Variants in PPP2R3B observed in about 807,000 individuals in gnomAD.
The protein encoded by PPP2R3B is serine/threonine-protein phosphatase 2A regulatory subunit B'' subunit beta.
PPP2R3B carries 68 observed loss-of-function variants against 72.9 expected under a neutral mutation model. The observed-to-expected ratio is 0.93, with a 90% confidence interval of 0.77 to 1.14. PPP2R3B has a LOEUF of 1.14. Among genes scored for constraint, PPP2R3B ranks in the 50% most tolerant of loss-of-function variants. The probability of loss-of-function intolerance (pLI) is 0.00; values close to 1 mark genes in which losing one functional copy is unlikely to be tolerated. For synonymous variants in PPP2R3B, 466 were observed against 375.8 expected (o/e 1.24, Z -2.78); for missense variants, 1,018 against 842.0 (o/e 1.21, Z -2.59).
At chrX:334,827 G>GTGTT in intron 12 of PPP2R3B, 1 of 338,514 alleles carries the variant, frequency 3.0e-6, no homozygotes, top group Admixed American at 4.9e-5. Context: ...CACGGGACCT[G>GTGTT]TGTTTACAAC....
chrX:333,966 G>T lies in PPP2R3B; in HGVS notation c.*401C>A, dbSNP rs190678548. On this transcript the variant is annotated 3_prime_UTR_variant, in exon 13 of 13. Transcript: ENST00000390665. ...ACGTACAAGCGTGATCGCCAGAAACGGTTTTGTACGTTTACACAAAACATT... is the reference window on the plus strand; with the variant it reads ...ACGTACAAGCGTGATCGCCAGAAACTGTTTTGTACGTTTACACAAAACATT... 1 of 173,812 alleles carries T rather than the reference G, an allele frequency of 5.8e-6. No individual in the cohort carries two copies. The highest frequency in any genetic ancestry group is 6.3e-5 in the Admixed American group (1 of 15,856). The allele number at this position is 173,812 out of a possible 1,614,324, so 10.8% of individuals were successfully genotyped here. A position where few individuals can be genotyped will look rare whatever the true frequency, so the allele number is the denominator to read the frequency against.
chrX:341,989 A>C, intron 7 of PPP2R3B, 58 bp from the exon 8 acceptor site: 3 of 1,595,694 alleles, frequency 1.9e-6, no homozygotes, highest in Non-Finnish European at 2.6e-6. Context: ...CGACGTCACC[A>C]CCCCCCGGAG....
intron 1 of PPP2R3B, among the ~76,000 whole-genome samples, chrX:379,855 T>G (rs2072086052): frequency 6.6e-6 from 1 of 152,238 alleles, no homozygotes; most frequent in African/African-American, 2.4e-5. Context: ...AGGCTTGGAC[T>G]CACAGTATCT....
chrX:363,970 C>G (rs867339525), intron 1 of PPP2R3B, among the ~76,000 whole-genome samples: 2 of 152,238 alleles, frequency 1.3e-5, no homozygotes, highest in South Asian at 4.1e-4. Context: ...TGACAAACGT[C>G]TTCTAGACGG....
In PPP2R3B at chrX:334,293, T is replaced by C. The variant is rs997829056; in HGVS notation, c.*74A>G. 1 of 1,396,292 alleles carries C rather than the reference T, an allele frequency of 7.2e-7. No individual in the cohort carries two copies. 86.5% of individuals were successfully genotyped at this position (1,396,292 alleles called of 1,614,324 possible). ...CAAACGCACTCATTTTCCACAACAG[T>C]TTTTACACGAGCCGCGGTGGCCCGG... On this transcript the variant is annotated 3_prime_UTR_variant, in exon 13 of 13. Coordinates refer to ENST00000390665, the MANE Select transcript of PPP2R3B (RefSeq NM_013239.5).
chrX:350,078 T>C (rs1332947854), intron 2 of PPP2R3B, among the ~76,000 whole-genome samples: 1 of 152,178 alleles, frequency 6.6e-6, no homozygotes, highest in East Asian at 1.9e-4. Context: ...TTGGTGGATA[T>C]GAGTCCCACT....
At position 370,835 on chromosome X, in the gene PPP2R3B, C is replaced by G. The variant is rs1172522524; in HGVS notation, c.325-9245G>C. On this transcript the variant is annotated intron_variant, in intron 1 of 12. Transcript: ENST00000390665. ...GGACGCCCAGAGCCCAGGCTGTCAC[C>G]ACGCTGAAGTCAGTTCCAAGTACAG... is the stretch of plus-strand genomic sequence containing the variant. 1.3e-5 allele frequency among the ~76,000 whole-genome samples: 2 copies of G among 152,202 alleles called. 1 individual carries two copies. Among genetic ancestry groups the G allele is most frequent in the Non-Finnish European group, 2.9e-5 (2 of 68,034 alleles).
At chrX:347,375 G>C in intron 3 of PPP2R3B, 39 bp from the exon 4 acceptor site, 3 of 1,579,722 alleles carry the variant, frequency 1.9e-6, no homozygotes, top group Non-Finnish European at 2.6e-6. Context: ...CCTCACAGGG[G>C]GGTGGCTTTC....
At chrX:367,662 T>A (rs1456288020) in intron 1 of PPP2R3B, among the ~76,000 whole-genome samples, 1 of 152,000 alleles carries the variant, frequency 6.6e-6, no homozygotes, top group East Asian at 1.9e-4. Flanking sequence ...GAGACAGAGG[T>A]GCAGGATGAG....
rs752671966 is a variant in PPP2R3B at position 341,243 on chromosome X, CAT to C, written c.1175+62_1175+63del. On this transcript the variant is annotated intron_variant, in intron 9 of 12. Coordinates refer to ENST00000390665, the MANE Select transcript of PPP2R3B (RefSeq NM_013239.5). ...GCGTGCAGGCATCCGCCTGGGGACACATGTCACATGGGCGGCTCCCGGCCCCT... is the reference window on the plus strand; with the variant it reads ...GCGTGCAGGCATCCGCCTGGGGACACGTCACATGGGCGGCTCCCGGCCCCT... The C allele has an allele frequency of 9.6e-5, 150 of 1,569,056 alleles. No individual in the cohort carries two copies. In the East Asian group the frequency reaches 3.1e-3, roughly 33 times the overall value.
chrX:368,015 C>T (rs962912205), intron 1 of PPP2R3B, among the ~76,000 whole-genome samples: 2 of 152,250 alleles, frequency 1.3e-5, no homozygotes, highest in African/African-American at 4.8e-5. Context: ...TAACTTTATC[C>T]ATGCCTGACA....
Position 333,976 on chromosome X carries a change from G to T in PPP2R3B, c.*391C>A. On this transcript the variant is annotated 3_prime_UTR_variant, in exon 13 of 13. Transcript: ENST00000390665. ...GTGATCGCCAGAAACGGTTTTGTACGTTTACACAAAACATTCACACAGCCT... is the reference window on the plus strand; with the variant it reads ...GTGATCGCCAGAAACGGTTTTGTACTTTTACACAAAACATTCACACAGCCT... The T allele has an allele frequency of 5.4e-6, 1 of 183,606 alleles. No individual in the cohort carries two copies. The highest frequency in any genetic ancestry group is 1.1e-5 in the Non-Finnish European group (1 of 89,278). 11.4% of individuals were successfully genotyped at this position (183,606 alleles called of 1,614,324 possible).
At chrX:362,812 C>G (rs35226983) in intron 1 of PPP2R3B, among the ~76,000 whole-genome samples, 39,782 of 151,852 alleles carry the variant, frequency 0.26, 5,508 homozygotes, top group East Asian at 0.39. Context: ...GACCCTCACC[C>G]CAGGTCACAA....
chrX:368,159 A>C (rs2071765500), intron 1 of PPP2R3B, among the ~76,000 whole-genome samples: 1 of 150,456 alleles, frequency 6.6e-6, no homozygotes, highest in Admixed American at 6.6e-5. Context: ...GACACGGGGA[A>C]GGCCGGGACC....
chrX:386,372 C>A lies in PPP2R3B; in HGVS notation c.320G>T (p.Arg107Ile), dbSNP rs759620441. ...VRGTRRSAGT[R>I]VVQTRKEEPL... ...GCAGAAGGAAGAGTAACTTACTACT[C>A]TCGTCCCTGCGGATCTACGGGTGCC... is the stretch of plus-strand genomic sequence containing the variant. Residue 107 changes from arginine (R) to isoleucine (I), a missense_variant, in exon 1 of 13, where the codon AGA (arginine) becomes ATA (isoleucine). Physicochemically the swap from Arg to Ile is moderately conservative, Grantham distance 97 (BLOSUM62 -3). Coordinates refer to ENST00000390665, the MANE Select transcript of PPP2R3B (RefSeq NM_013239.5). 16 of 1,316,896 alleles carry A rather than the reference C, an allele frequency of 1.2e-5. No individual in the cohort carries two copies. The South Asian group carries it at 4.4e-4, about 36-fold the overall frequency. The allele number at this position is 1,316,896 out of a possible 1,614,324, so 81.6% of individuals were successfully genotyped here. A position where few individuals can be genotyped will look rare whatever the true frequency, so the allele number is the denominator to read the frequency against.
In PPP2R3B at chrX:341,569, C is replaced by T. The variant is rs144648713; in HGVS notation, c.1086-173G>A. ...CGGGGAGGAGGTGGAGGCCCCGTGGCCAGAGGGTTTTCCCCAGATCCAGGC... is the reference window on the plus strand; with the variant it reads ...CGGGGAGGAGGTGGAGGCCCCGTGGTCAGAGGGTTTTCCCCAGATCCAGGC... On this transcript the variant is annotated intron_variant, in intron 8 of 12. Transcript: ENST00000390665. 1,175 of 719,594 alleles carry T rather than the reference C, an allele frequency of 1.6e-3. 11 individuals are homozygous for T. In the African/African-American group the frequency reaches 0.019, roughly 11 times the overall value. 44.6% of individuals were successfully genotyped at this position (719,594 alleles called of 1,614,324 possible). A position where few individuals can be genotyped will look rare whatever the true frequency, so the allele number is the denominator to read the frequency against.
intron 1 of PPP2R3B, among the ~76,000 whole-genome samples, chrX:379,095 G>T (rs1199752052): frequency 6.6e-6 from 1 of 151,246 alleles, no homozygotes; most frequent in East Asian, 2.0e-4. Flanking sequence ...ACCTACGTGT[G>T]TGTGTATGCA....
intron 2 of PPP2R3B, among the ~76,000 whole-genome samples, chrX:360,785 G>A (rs776835011): frequency 2.0e-4 from 30 of 152,338 alleles, no homozygotes; most frequent in African/African-American, 6.7e-4. Context: ...GTCCAGACAC[G>A]CATCTCTGGT....
rs545316568 is a variant in PPP2R3B at position 349,952 on chromosome X, C to T, written c.511-2259G>A. Among the ~76,000 whole-genome samples, 168 of 152,252 alleles carry T rather than the reference C, an allele frequency of 1.1e-3. 7 individuals are homozygous for T. The South Asian group carries it at 0.034, about 31-fold the overall frequency. On this transcript the variant is annotated intron_variant, in intron 2 of 12. Transcript: ENST00000390665. ...CCACGCGATCCCCACCCACAGAGTC[C>T]AGCAATCCCCATCCACATGCACCGA...
Sources: allele counts gnomAD v4.1 joint callset (sites outside exome capture counted in the v4.1 genomes callset), GRCh38; gene constraint gnomAD v4.1.1; transcripts MANE v1.5; gene names NCBI Gene and HGNC (gene_info 2026-07-23, HGNC 2026-07-21).